The following FOXN3 variants were observed in gnomAD, a reference collection of about 807,000 sequenced individuals.
FOXN3 encodes forkhead box N3.
A neutral mutation model predicts 38.4 loss-of-function variants in FOXN3; 7 were observed. The observed-to-expected ratio is 0.18, with a 90% confidence interval of 0.10 to 0.34. FOXN3 has a LOEUF of 0.34. FOXN3 is among the 10% of genes least tolerant of loss of function. FOXN3 has a pLI of 1.00. For missense variants in FOXN3, 456 were observed against 613.4 expected (o/e 0.74, Z 2.71); for synonymous variants, 230 against 242.2 (o/e 0.95, Z 0.47).
rs536011390 is a variant in FOXN3 at position 89,202,490 on chromosome 14, G to A, written c.746-21684C>T. Among the ~76,000 whole-genome samples, 35 of 152,308 alleles carry A rather than the reference G, an allele frequency of 2.3e-4. No individual in the cohort carries two copies. In the South Asian group the frequency reaches 6.8e-3, roughly 30 times the overall value. On this transcript the variant is annotated intron_variant, in intron 4 of 5. Transcript: ENST00000557258. Reference sequence around the variant, plus strand: ...TTCTCAAACATCTGGAAGGGGATTTGTAATGTGCTACAGTTTAATGTGCTC... The same window carrying A: ...TTCTCAAACATCTGGAAGGGGATTTATAATGTGCTACAGTTTAATGTGCTC...
At chr14:89,537,637 C>T (rs1035652760) in intron 1 of FOXN3, among the ~76,000 whole-genome samples, 1 of 152,246 alleles carries the variant, frequency 6.6e-6, no homozygotes, top group Admixed American at 6.5e-5. Flanking sequence ...CTTGTTGGGG[C>T]ATCATTCCCT....
chr14:89,228,704 G>A (rs1022498941), intron 4 of FOXN3, among the ~76,000 whole-genome samples: 4 of 152,204 alleles, frequency 2.6e-5, no homozygotes, highest in African/African-American at 9.7e-5. Flanking sequence ...GAAAGGACAT[G>A]TTTAGGAAGA....
chr14:89,398,665 TC>T (rs1303539649), intron 2 of FOXN3, among the ~76,000 whole-genome samples: 1 of 152,076 alleles, frequency 6.6e-6, no homozygotes, highest in Non-Finnish European at 1.5e-5. Context: ...CACAAAATAT[TC>T]CAAAGTTCCA....
At chr14:89,587,077 C>A (rs1345218101) in intron 1 of FOXN3, among the ~76,000 whole-genome samples, 1 of 152,190 alleles carries the variant, frequency 6.6e-6, no homozygotes, top group Non-Finnish European at 1.5e-5. Context: ...GGCTGGAGAC[C>A]CAGGGAAGAG....
chr14:89,577,141 G>A (rs1895646959), intron 1 of FOXN3: 1 of 152,262 alleles, frequency 6.6e-6, no homozygotes, highest in Admixed American at 6.5e-5. Context: ...CCACAGCAGA[G>A]TCTATGCAGA....
intron 3 of FOXN3, among the ~76,000 whole-genome samples, chr14:89,289,119 T>G (rs1350149552): frequency 6.7e-6 from 1 of 148,604 alleles, no homozygotes; most frequent in East Asian, 2.0e-4. Flanking sequence ...GAGGCAGAGG[T>G]TGCAGTGGGA....
At chr14:89,444,426 A>G (rs1892453156) in intron 1 of FOXN3, among the ~76,000 whole-genome samples, 1 of 152,096 alleles carries the variant, frequency 6.6e-6, no homozygotes. Context: ...TCACATAAAA[A>G]AAAAAAGAAA....
At chr14:89,420,210 CT>C (rs1252069953), upstream of FOXN3, among the ~76,000 whole-genome samples, 1 of 152,234 alleles carries the variant, frequency 6.6e-6, no homozygotes, top group African/African-American at 2.4e-5. Flanking sequence ...CACCTTTGAA[CT>C]GCCTCAAGCC....
At chr14:89,579,206 A>G (rs1157066664) in intron 1 of FOXN3, among the ~76,000 whole-genome samples, 1 of 141,346 alleles carries the variant, frequency 7.1e-6, no homozygotes, top group Non-Finnish European at 1.5e-5. Flanking sequence ...GCTGAAGTAC[A>G]CTGGCATGAT....
At chr14:89,282,017 T>C (rs1886480344) in intron 3 of FOXN3, among the ~76,000 whole-genome samples, 1 of 152,136 alleles carries the variant, frequency 6.6e-6, no homozygotes, top group African/African-American at 2.4e-5. Flanking sequence ...CGGTGAATGC[T>C]TCACCATTAA....
rs140186375 is a variant in FOXN3, at chr14:89,507,328, G to A, written c.-14-94838C>T. Among the ~76,000 whole-genome samples the A allele has an allele frequency of 1.3e-4, 20 of 152,242 alleles. No homozygotes were observed. In the East Asian group the frequency reaches 3.3e-3, roughly 25 times the overall value. On this transcript the variant is annotated intron_variant, in intron 1 of 6. Transcript: ENST00000345097. ...TAAGATGCAGGCAATCGGAGCTATC[G>A]AGTTGCCCCACCAATGGAAAATGGC...
At chr14:89,589,673 C>G (rs1427359467) in intron 1 of FOXN3, among the ~76,000 whole-genome samples, 1 of 136,324 alleles carries the variant, frequency 7.3e-6, no homozygotes, top group Non-Finnish European at 1.5e-5. Flanking sequence ...ACCCTGAAAC[C>G]ACCTAGCAAC....
At chr14:89,498,827 G>A (rs1017673099) in intron 1 of FOXN3, among the ~76,000 whole-genome samples, 16 of 151,314 alleles carry the variant, frequency 1.1e-4, no homozygotes, top group African/African-American at 3.4e-4. Context: ...TGCACACAGA[G>A]GGTGGGGGGA....
intron 4 of FOXN3, among the ~76,000 whole-genome samples, chr14:89,259,833 T>C (rs991562156): frequency 1.3e-5 from 2 of 152,222 alleles, no homozygotes; most frequent in African/African-American, 4.8e-5. Flanking sequence ...TCTGGAGGCC[T>C]ATCTGAACTG....
intron 1 of FOXN3, among the ~76,000 whole-genome samples, chr14:89,478,868 G>A (rs1275622313): frequency 2.3e-5 from 3 of 132,634 alleles, no homozygotes; most frequent in Non-Finnish European, 3.1e-5. Flanking sequence ...GGAGGCGGAG[G>A]TTGCAGTGAG....
chr14:89,448,110 C>T (rs1163941384), intron 1 of FOXN3, among the ~76,000 whole-genome samples: 2 of 152,018 alleles, frequency 1.3e-5, no homozygotes, highest in East Asian at 1.9e-4. Flanking sequence ...CTGTGCCTGC[C>T]GATGCCTTTC....
At chr14:89,318,162 C>CTT (rs10624729) in intron 3 of FOXN3, among the ~76,000 whole-genome samples, 56,203 of 126,844 alleles carry the variant, frequency 0.44, 13,708 homozygotes, top group Middle Eastern at 0.52. Context: ...TTCTTCTTCT[C>CTT]TTTTTTTTTT....
intron 2 of FOXN3, among the ~76,000 whole-genome samples, chr14:89,388,979 C>G (rs1890863253): frequency 6.6e-6 from 1 of 151,972 alleles, no homozygotes; most frequent in Admixed American, 6.6e-5. Flanking sequence ...GAAAACTGGG[C>G]CATCTGAGGC....
intron 1 of FOXN3, among the ~76,000 whole-genome samples, chr14:89,558,581 A>G (rs1454651165): frequency 6.6e-6 from 1 of 152,252 alleles, no homozygotes; most frequent in Non-Finnish European, 1.5e-5. Context: ...ATCAACAGAA[A>G]GAACTGAGAC....
Sources: gnomAD v4.1 joint callset for allele counts (sites outside exome capture counted in the v4.1 genomes callset) on GRCh38, gnomAD v4.1.1 for gene constraint, MANE v1.5 for transcripts, NCBI Gene and HGNC (gene_info 2026-07-23, HGNC 2026-07-21) for gene names.